SGCZ: variants seen among roughly 807,000 people sequenced by gnomAD.
SGCZ encodes zeta-sarcoglycan.
SGCZ carries 40 observed loss-of-function variants against 41.3 expected under a neutral mutation model. That is an observed-to-expected ratio of 0.97 (90% confidence interval 0.75 to 1.26). The LOEUF (loss-of-function observed/expected upper bound fraction) is 1.26. Ranked by LOEUF, SGCZ falls within the 50% of genes most tolerant of loss-of-function variation. The pLI is 0.00. For missense variants in SGCZ, 552 were observed against 369.8 expected (o/e 1.49, Z -4.04); for synonymous variants, 206 against 137.5 (o/e 1.50, Z -3.49).
At chr8:14,853,142 G>T (rs1462875864) in intron 1 of SGCZ, among the ~76,000 whole-genome samples, 2 of 152,138 alleles carry the variant, frequency 1.3e-5, no homozygotes, top group African/African-American at 4.8e-5. Flanking sequence ...TGTACTATTT[G>T]CAGTTTGAAG....
chr8:14,542,815 A>T (rs1414998415), intron 2 of SGCZ, among the ~76,000 whole-genome samples: 2 of 152,110 alleles, frequency 1.3e-5, no homozygotes, highest in Admixed American at 1.3e-4. Flanking sequence ...AAAAATCTGA[A>T]ACAGCCATCA....
At chr8:14,331,104 A>T (rs978045307) in intron 2 of SGCZ, among the ~76,000 whole-genome samples, 3 of 151,836 alleles carry the variant, frequency 2.0e-5, no homozygotes, top group Non-Finnish European at 4.4e-5. Flanking sequence ...TGAGGAAAAA[A>T]TCTTAAAGAC....
rs1375905189 is a variant in SGCZ at position 14,598,793 on chromosome 8, T to C, written c.40-43867A>G. On this transcript the variant is annotated intron_variant, in intron 1 of 7. Coordinates refer to ENST00000382080, the MANE Select transcript of SGCZ (RefSeq NM_139167.4). ...AATCGCCTGACTTGGCCTCCCAACA[T>C]GCTGAGATTACAGGTATGAGGCAGT... Among the ~76,000 whole-genome samples the C allele has an allele frequency of 2.6e-5, 4 of 152,110 alleles. No homozygotes were observed. In the East Asian group the frequency reaches 7.7e-4, roughly 29 times the overall value.
intron 2 of SGCZ, among the ~76,000 whole-genome samples, chr8:14,441,251 T>G (rs909717257): frequency 1.3e-5 from 2 of 152,190 alleles, no homozygotes; most frequent in Non-Finnish European, 2.9e-5. Flanking sequence ...TCTACCTAAT[T>G]TCCAGTTGTA....
At chr8:15,114,083 T>C (rs1425296244) in intron 1 of SGCZ, among the ~76,000 whole-genome samples, 1 of 152,244 alleles carries the variant, frequency 6.6e-6, no homozygotes, top group African/African-American at 2.4e-5. Flanking sequence ...CCTGATAAAT[T>C]TGACATTTAA....
At chr8:14,587,721 C>G (rs1178112501) in intron 1 of SGCZ, among the ~76,000 whole-genome samples, 1 of 152,112 alleles carries the variant, frequency 6.6e-6, no homozygotes, top group Non-Finnish European at 1.5e-5. Context: ...TCTTAGGTCA[C>G]TGATTTTTAA....
intron 1 of SGCZ, among the ~76,000 whole-genome samples, chr8:14,730,048 G>A (rs998976066): frequency 2.6e-5 from 4 of 152,130 alleles, no homozygotes; most frequent in African/African-American, 9.7e-5. Flanking sequence ...ATCGTGCCAG[G>A]GCACTAGAGC....
intron 1 of SGCZ, among the ~76,000 whole-genome samples, chr8:14,608,259 G>GT (rs1805815781): frequency 6.7e-5 from 6 of 89,228 alleles, no homozygotes; most frequent in Admixed American, 1.1e-4. Context: ...TTTATTTGAG[G>GT]CTTTTTTTTT....
chr8:14,815,531 T>C (rs1288843557), intron 1 of SGCZ, among the ~76,000 whole-genome samples: 2 of 152,164 alleles, frequency 1.3e-5, no homozygotes, highest in East Asian at 1.9e-4. Flanking sequence ...TAAATCACTA[T>C]GAATTCTTTA....
chr8:14,112,311 A>C (rs1450216371), intron 5 of SGCZ, among the ~76,000 whole-genome samples: 1 of 144,494 alleles, frequency 6.9e-6, no homozygotes, highest in Non-Finnish European at 1.5e-5. Flanking sequence ...AAGGGAATGG[A>C]TTTTATGTAG....
At chr8:14,541,459 C>A (rs1803464853) in intron 2 of SGCZ, among the ~76,000 whole-genome samples, 1 of 152,046 alleles carries the variant, frequency 6.6e-6, no homozygotes, top group South Asian at 2.1e-4. Flanking sequence ...CATGTCCCCG[C>A]AAAGGACATG....
chr8:14,936,133 T>C (rs1474551692), intron 1 of SGCZ, among the ~76,000 whole-genome samples: 1 of 151,922 alleles, frequency 6.6e-6, no homozygotes, highest in South Asian at 2.1e-4. Flanking sequence ...ATTTTCTACA[T>C]GTAATTCAGG....
intron 1 of SGCZ, among the ~76,000 whole-genome samples, chr8:14,687,293 A>G (rs188757811): frequency 0.033 from 4,983 of 151,104 alleles, 293 homozygotes; most frequent in African/African-American, 0.11. Flanking sequence ...TGCTGCACCC[A>G]TTAACTCGTC....
chr8:15,130,862 G>T (rs965390638), intron 1 of SGCZ, among the ~76,000 whole-genome samples: 1 of 152,030 alleles, frequency 6.6e-6, no homozygotes, highest in African/African-American at 2.4e-5. Context: ...AATCTATAAA[G>T]TTGAAGATAA....
chr8:14,477,963 G>A (rs1801408634), intron 2 of SGCZ, among the ~76,000 whole-genome samples: 1 of 152,164 alleles, frequency 6.6e-6, no homozygotes, highest in East Asian at 1.9e-4. Flanking sequence ...ATGATGCAAG[G>A]AATGAGTTGA....
At chr8:14,708,119 A>T (rs1278281091) in intron 1 of SGCZ, among the ~76,000 whole-genome samples, 2 of 152,002 alleles carry the variant, frequency 1.3e-5, no homozygotes. Flanking sequence ...TATAAATTCA[A>T]ATTTAATTTA....
chr8:14,978,855 G>A (rs1486540620), intron 1 of SGCZ, among the ~76,000 whole-genome samples: 3 of 152,150 alleles, frequency 2.0e-5, no homozygotes, highest in African/African-American at 7.2e-5. Context: ...CTGGAGTGCA[G>A]TGGCACGATC....
chr8:14,108,111 G>GA, intron 6 of SGCZ, 52 bp downstream of exon 6: 1 of 1,511,790 alleles, frequency 6.6e-7, no homozygotes, highest in Non-Finnish European at 9.2e-7. Context: ...ATATATTAAG[G>GA]ATTATCAACA....
At chr8:15,027,470 A>G (rs773788754) in intron 1 of SGCZ, among the ~76,000 whole-genome samples, 11 of 152,112 alleles carry the variant, frequency 7.2e-5, no homozygotes, top group Admixed American at 1.3e-4. Flanking sequence ...CACTTTCCAT[A>G]ACACAGGTTA....
Sources: allele counts gnomAD v4.1 joint callset (sites outside exome capture counted in the v4.1 genomes callset), GRCh38; gene constraint gnomAD v4.1.1; transcripts MANE v1.5; gene names NCBI Gene and HGNC (gene_info 2026-07-23, HGNC 2026-07-21).